The following ST6GALNAC5 variants were observed in gnomAD, a reference collection of about 807,000 sequenced individuals.
The protein encoded by ST6GALNAC5 is alpha-N-acetylgalactosaminide alpha-2,6-sialyltransferase 5.
A neutral mutation model predicts 33.6 loss-of-function variants in ST6GALNAC5; 27 were observed. The ratio of observed to expected loss-of-function variants is 0.80; its 90% CI spans 0.59 to 1.11. The LOEUF (loss-of-function observed/expected upper bound fraction) is 1.11. Among genes scored for constraint, ST6GALNAC5 ranks in the 50% least tolerant of loss-of-function variants. The pLI is 0.00. For synonymous variants in ST6GALNAC5, 194 were observed against 171.2 expected (o/e 1.13, Z -1.04); for missense variants, 428 against 454.0 (o/e 0.94, Z 0.52).
At position 77,044,490 on chromosome 1, in the gene ST6GALNAC5, G is replaced by A. The variant is rs181695447; in HGVS notation, c.548G>A (p.Gly183Asp). Residue 183 changes from glycine to aspartate, a missense_variant, in exon 3 of 5, where the codon GGC becomes GAC. Coordinates refer to ENST00000477717, the MANE Select transcript of ST6GALNAC5 (RefSeq NM_030965.3). ...PSSYMRRDGK[G>D]QVYNNLHLLS... ...AGCTACATGCGGCGGGACGGCAAGG[G>A]CCAGGTCTACAACAACCTGCATCTC... 27 of 1,613,318 alleles carry A rather than the reference G, an allele frequency of 1.7e-5. No homozygotes were observed. The East Asian group carries it at 5.1e-4, about 31-fold the overall frequency.
At chr1:76,920,990 TAA>T in intron 2 of ST6GALNAC5, among the ~76,000 whole-genome samples, 1 of 152,188 alleles carries the variant, frequency 6.6e-6, no homozygotes, top group Admixed American at 6.6e-5. Flanking sequence ...AGTGAACTGC[TAA>T]TGGCAGAGAA....
intron 2 of ST6GALNAC5, among the ~76,000 whole-genome samples, chr1:76,876,475 A>G (rs1653641141): frequency 1.3e-5 from 2 of 152,200 alleles, no homozygotes; most frequent in Non-Finnish European, 2.9e-5. Flanking sequence ...CTCCATGTGA[A>G]CACTCACACG....
intron 2 of ST6GALNAC5, among the ~76,000 whole-genome samples, chr1:76,914,218 T>A (rs1646944182): frequency 6.6e-6 from 1 of 152,192 alleles, no homozygotes; most frequent in Non-Finnish European, 1.5e-5. Flanking sequence ...GAACATTCCA[T>A]GCTCATGGGT....
At chr1:76,926,479 G>C (rs1570679137) in intron 2 of ST6GALNAC5, among the ~76,000 whole-genome samples, 1 of 152,218 alleles carries the variant, frequency 6.6e-6, no homozygotes, top group East Asian at 1.9e-4. Context: ...GAATTTCAGA[G>C]AGATCTTTCT....
intron 2 of ST6GALNAC5, among the ~76,000 whole-genome samples, chr1:77,002,424 C>A (rs1442924124): frequency 1.3e-5 from 2 of 151,932 alleles, no homozygotes; most frequent in African/African-American, 2.4e-5. Flanking sequence ...AATTTTGTTG[C>A]TCCTTTCAAA....
At chr1:76,898,290 CT>C (rs1646776898) in intron 2 of ST6GALNAC5, among the ~76,000 whole-genome samples, 2 of 152,060 alleles carry the variant, frequency 1.3e-5, no homozygotes, top group Non-Finnish European at 2.9e-5. Flanking sequence ...CGGTTCAGGC[CT>C]TTGGAGTTCT....
chr1:76,964,797 C>T (rs948547867), intron 2 of ST6GALNAC5, among the ~76,000 whole-genome samples: 1 of 152,042 alleles, frequency 6.6e-6, no homozygotes. Context: ...GAGATGTTCC[C>T]CACCCTGTGT....
Position 76,876,818 on chromosome 1 carries a change from C to T in ST6GALNAC5, c.261+8076C>T, listed in dbSNP as rs996183142. On this transcript the variant is annotated intron_variant, in intron 2 of 4. Transcript: ENST00000477717. The stretch of plus-strand genomic sequence containing the variant: ...TGCCTGCATAACCATGCAGAACCAT[C>T]TGTGAACCAGGCCTTAGTCTTCTCG... 3.9e-5 allele frequency among the ~76,000 whole-genome samples: 6 copies of T among 152,282 alleles called. No individual in the cohort carries two copies. In the East Asian group the frequency reaches 9.7e-4, roughly 25 times the overall value.
chr1:76,875,936 A>T (rs537903201), intron 2 of ST6GALNAC5, among the ~76,000 whole-genome samples: 1 of 152,270 alleles, frequency 6.6e-6, no homozygotes, highest in East Asian at 1.9e-4. Context: ...ACATGGTAAG[A>T]CCAGTGAATT....
intron 2 of ST6GALNAC5, among the ~76,000 whole-genome samples, chr1:77,019,707 G>C (rs975959125): frequency 1.3e-5 from 2 of 152,206 alleles, no homozygotes; most frequent in Non-Finnish European, 2.9e-5. Flanking sequence ...TTCTTGCCCA[G>C]TTGCAATTGA....
intron 2 of ST6GALNAC5, among the ~76,000 whole-genome samples, chr1:76,869,253 T>C (rs1653440531): frequency 6.6e-6 from 1 of 151,988 alleles, no homozygotes; most frequent in African/African-American, 2.4e-5. Context: ...CCCTGGGGAG[T>C]GGTGCCCAGG....
chr1:77,033,182 C>T (rs199688), intron 2 of ST6GALNAC5, among the ~76,000 whole-genome samples: 31,559 of 152,094 alleles, frequency 0.21, 4,654 homozygotes, highest in African/African-American at 0.42. Flanking sequence ...ACAAATAGGC[C>T]TGTCCCACTG....
intron 2 of ST6GALNAC5, among the ~76,000 whole-genome samples, chr1:76,948,582 GGGGACAGAGA>G (rs2100334413): frequency 1.1e-5 from 1 of 90,164 alleles, no homozygotes; most frequent in South Asian, 5.0e-4. Flanking sequence ...GTATGGGAGT[GGGGACAGAGA>G]GAGAGAGAGA....
chr1:76,884,946 AG>A (rs1368418773), intron 2 of ST6GALNAC5, among the ~76,000 whole-genome samples: 1 of 152,180 alleles, frequency 6.6e-6, no homozygotes, highest in African/African-American at 2.4e-5. Flanking sequence ...ATGATGAGCA[AG>A]ATCAGGTCCT....
rs115193174 is a variant in ST6GALNAC5, at chr1:76,903,295, C to G, written c.261+34553C>G. 7.7e-3 allele frequency among the ~76,000 whole-genome samples: 1,178 copies of G among 152,222 alleles called. 18 individuals carry two copies. Among genetic ancestry groups the G allele is most frequent in the African/African-American group, 0.027 (1,120 of 41,556 alleles). On this transcript the variant is annotated intron_variant, in intron 2 of 4. Coordinates refer to ENST00000477717, the MANE Select transcript of ST6GALNAC5 (RefSeq NM_030965.3). Reference sequence around the variant, plus strand: ...AAGCACACGGAAAGATTCTCAACATCATTAGCCATCAAAGAAATGCAAATC... The same window carrying G: ...AAGCACACGGAAAGATTCTCAACATGATTAGCCATCAAAGAAATGCAAATC...
At chr1:76,993,232 C>T (rs192196644) in intron 2 of ST6GALNAC5, among the ~76,000 whole-genome samples, 3 of 152,306 alleles carry the variant, frequency 2.0e-5, no homozygotes, top group Admixed American at 2.0e-4. Context: ...CCTATTTTGT[C>T]TATCTCTGTG....
chr1:77,032,748 C>T (rs780943803), intron 2 of ST6GALNAC5, among the ~76,000 whole-genome samples: 46 of 152,146 alleles, frequency 3.0e-4, no homozygotes, highest in Admixed American at 7.9e-4. Context: ...TGATTCTGGT[C>T]AATTCAATAT....
intron 2 of ST6GALNAC5, among the ~76,000 whole-genome samples, chr1:76,951,104 T>A (rs1647724559): frequency 6.6e-6 from 1 of 152,150 alleles, no homozygotes; most frequent in Non-Finnish European, 1.5e-5. Flanking sequence ...AGCATTTTCC[T>A]GTAAAGTCAA....
At chr1:77,002,437 A>G (rs1052296816) in intron 2 of ST6GALNAC5, among the ~76,000 whole-genome samples, 1 of 152,082 alleles carries the variant, frequency 6.6e-6, no homozygotes, top group African/African-American at 2.4e-5. Context: ...CTTTCAAAAA[A>G]CCAGCTCCTG....
Sources: allele counts gnomAD v4.1 joint callset (sites outside exome capture counted in the v4.1 genomes callset), GRCh38; gene constraint gnomAD v4.1.1; transcripts MANE v1.5; gene names NCBI Gene and HGNC (gene_info 2026-07-23, HGNC 2026-07-21).